NFIA: variants seen among roughly 807,000 people sequenced by gnomAD.
The protein encoded by NFIA is nuclear factor I A.
NFIA carries 8 observed loss-of-function variants against 62.8 expected under a neutral mutation model. The observed-to-expected ratio is 0.13, with a 90% CI of 0.07 to 0.23. NFIA has a LOEUF of 0.23. Among genes scored for constraint, NFIA ranks in the 10% least tolerant of loss-of-function variants. NFIA has a pLI of 1.00. For synonymous variants in NFIA, 235 were observed against 238.1 expected (o/e 0.99, Z 0.12); for missense variants, 410 against 642.1 (o/e 0.64, Z 3.91).
intron 2 of NFIA, among the ~76,000 whole-genome samples, chr1:61,192,652 G>A (rs182430386): frequency 4.0e-5 from 6 of 151,730 alleles, no homozygotes; most frequent in East Asian, 3.9e-4. Context: ...GCAGTGAGCC[G>A]AGATCGTGCC....
At position 61,251,178 on chromosome 1, in the gene NFIA, T is replaced by C. The variant is rs566982563; in HGVS notation, c.560-26342T>C. The C allele has an allele frequency of 2.6e-5, 4 of 152,344 alleles. No homozygotes were observed. The South Asian group carries it at 8.3e-4, about 32-fold the overall frequency. 9.4% of individuals were successfully genotyped at this position (152,344 alleles called of 1,614,324 possible). On this transcript the variant is annotated intron_variant, in intron 2 of 10. Transcript: ENST00000403491. ...ATGAAATTGATTTAACTAAAGTGTA[T>C]GTGTGTGTTTGTGTGCGCATATGCC...
intron 2 of NFIA, among the ~76,000 whole-genome samples, chr1:61,138,922 G>T (rs563777159): frequency 2.9e-4 from 44 of 151,680 alleles, no homozygotes; most frequent in African/African-American, 1.0e-3. Context: ...GGGCGCAGTG[G>T]CTCATGCCTG....
At chr1:61,248,071 C>A (rs1246313701) in intron 2 of NFIA, among the ~76,000 whole-genome samples, 1 of 152,100 alleles carries the variant, frequency 6.6e-6, no homozygotes, top group Non-Finnish European at 1.5e-5. Context: ...TCTGAAAAAT[C>A]TAATTGAGCC....
intron 3 of NFIA, among the ~76,000 whole-genome samples, chr1:61,309,439 C>G (rs1051138620): frequency 6.6e-6 from 1 of 151,978 alleles, no homozygotes; most frequent in African/African-American, 2.4e-5. Context: ...TATCTCCCTT[C>G]CTCCTCTAAT....
chr1:61,102,686 A>T (rs1646532519), intron 2 of NFIA, among the ~76,000 whole-genome samples: 1 of 152,188 alleles, frequency 6.6e-6, no homozygotes, highest in African/African-American at 2.4e-5. Flanking sequence ...AGTCTGCAGT[A>T]TTACCATTAA....
chr1:61,088,604 C>T lies in NFIA; in HGVS notation c.483C>T (p.Leu161=), dbSNP rs1279504728. ...CCCCACAATGCTCTAATCCAGGGCT[C>T]TGTGTCCAACCCCATCACATAGGGG... ...VKSPQCSNPG[L]CVQPHHIGVS... is the part of the protein sequence containing the mutation. The change falls in exon 2 of 11, where the codon CTC becomes CTT. Residue 161 remains leucine (L), a synonymous_variant. Transcript: ENST00000403491. This position sits in a 1 kb window ranked among gnomAD's most constrained non-coding sequence, Gnocchi z 4.5. 6 of 1,614,028 alleles carry T rather than the reference C, an allele frequency of 3.7e-6. No homozygotes were observed. The highest frequency in any genetic ancestry group is 5.1e-6 in the Non-Finnish European group (6 of 1,180,028).
intron 3 of NFIA, among the ~76,000 whole-genome samples, chr1:61,324,800 TAA>T (rs1452054019): frequency 1.3e-5 from 2 of 152,194 alleles, no homozygotes; most frequent in Non-Finnish European, 2.9e-5. Flanking sequence ...ATCATCAAGG[TAA>T]AGAGAGCTGC....
intron 2 of NFIA, among the ~76,000 whole-genome samples, chr1:61,089,673 C>T (rs1264728857): frequency 1.6e-5 from 2 of 128,392 alleles, no homozygotes; most frequent in Non-Finnish European, 3.3e-5. Flanking sequence ...TTTTGGGGTT[C>T]AAATATTTAA....
intron 2 of NFIA, among the ~76,000 whole-genome samples, chr1:61,225,616 T>C (rs778631755): frequency 4.0e-5 from 6 of 151,886 alleles, no homozygotes; most frequent in Non-Finnish European, 5.9e-5. Context: ...AATTTTATTT[T>C]GTATCACCAA....
chr1:61,120,530 G>A (rs1273101605), intron 2 of NFIA, among the ~76,000 whole-genome samples: 1 of 152,004 alleles, frequency 6.6e-6, no homozygotes, highest in Non-Finnish European at 1.5e-5. Context: ...TGCCGTGACC[G>A]TGACAGTTTT....
Position 61,223,477 on chromosome 1 carries a change from T to G in NFIA, c.560-54043T>G, listed in dbSNP as rs575216620. On this transcript the variant is annotated intron_variant, in intron 2 of 10. Coordinates refer to ENST00000403491, the MANE Select transcript of NFIA (RefSeq NM_001134673.4). ...GATGGACCTGTACAAACTTACAGTTTTTCAGGTTTCATAAAGGGAATTGAG... is the reference window on the plus strand; with the variant it reads ...GATGGACCTGTACAAACTTACAGTTGTTCAGGTTTCATAAAGGGAATTGAG... 2.6e-5 allele frequency among the ~76,000 whole-genome samples: 4 copies of G among 152,172 alleles called. No homozygotes were observed. The South Asian group carries it at 8.3e-4, about 32-fold the overall frequency.
rs140253093 is a variant in NFIA, at chr1:61,226,130, T to C, written c.560-51390T>C. Among the ~76,000 whole-genome samples, 571 of 152,330 alleles carry C rather than the reference T, an allele frequency of 3.7e-3. 1 individual carries two copies. The highest frequency in any genetic ancestry group is 0.013 in the African/African-American group (540 of 41,570). On this transcript the variant is annotated intron_variant, in intron 2 of 10. Transcript: ENST00000403491. ...AGAAGAAAGTAGTATTTGTGTAATA[T>C]TTAATGTGGTACGATAGTAGTAGCA... is the stretch of plus-strand genomic sequence containing the variant.
chr1:61,348,430 A>G (rs960706002), intron 4 of NFIA, among the ~76,000 whole-genome samples: 1 of 152,246 alleles, frequency 6.6e-6, no homozygotes, highest in East Asian at 1.9e-4. Context: ...CAAGCTCTCA[A>G]GTTACTCATC....
chr1:61,334,536 T>TGC (rs1379007724), intron 4 of NFIA, among the ~76,000 whole-genome samples: 1 of 7,398 alleles, frequency 1.4e-4, no homozygotes, highest in Non-Finnish European at 2.2e-4. Context: ...TGTGTATATA[T>TGC]GTGTGTGTGT....
intron 2 of NFIA, among the ~76,000 whole-genome samples, chr1:61,217,605 ATC>A (rs1192445608): frequency 6.6e-6 from 1 of 152,166 alleles, no homozygotes; most frequent in Non-Finnish European, 1.5e-5. Flanking sequence ...CTTCAGCTGG[ATC>A]TGGTTGGGAA....
At chr1:61,455,019 C>G (rs1363316269) in intron 10 of NFIA, among the ~76,000 whole-genome samples, 1 of 152,136 alleles carries the variant, frequency 6.6e-6, no homozygotes, top group East Asian at 1.9e-4. Context: ...CATCAGTTAA[C>G]AAAACCCTTA....
intron 1 of NFIA, among the ~76,000 whole-genome samples, chr1:61,084,423 G>GTT (rs796235382): frequency 3.5e-5 from 5 of 142,910 alleles, no homozygotes; most frequent in African/African-American, 7.7e-5. Context: ...TACTGTAAAA[G>GTT]TTTTTTTTTT....
intron 2 of NFIA, among the ~76,000 whole-genome samples, chr1:61,216,642 C>G (rs768596999): frequency 6.6e-6 from 1 of 152,162 alleles, no homozygotes; most frequent in Non-Finnish European, 1.5e-5. Context: ...CTCTCTGATA[C>G]TAGTGTGTAG....
At chr1:61,153,542 G>A (rs968682368) in intron 2 of NFIA, among the ~76,000 whole-genome samples, 20 of 152,164 alleles carry the variant, frequency 1.3e-4, no homozygotes, top group African/African-American at 4.8e-4. Context: ...AAACAGACAC[G>A]TGTAACTGAA....
Sources: allele counts gnomAD v4.1 joint callset (sites outside exome capture counted in the v4.1 genomes callset), GRCh38; gene constraint gnomAD v4.1.1; non-coding constraint Gnocchi (gnomAD v3.1); transcripts MANE v1.5; gene names NCBI Gene and HGNC (gene_info 2026-07-23, HGNC 2026-07-21).